The following NKAIN3 variants were observed in gnomAD, a reference collection of about 807,000 sequenced individuals.
NKAIN3 encodes sodium/potassium-transporting ATPase subunit beta-1-interacting protein 3.
A neutral mutation model predicts 30.2 loss-of-function variants in NKAIN3; 25 were observed. That is an observed-to-expected ratio of 0.83 (90% CI 0.60 to 1.16). NKAIN3 has a LOEUF of 1.16. Among genes scored for constraint, NKAIN3 ranks in the 50% most tolerant of loss-of-function variants. The probability of loss-of-function intolerance (pLI) is 0.00; values close to 1 mark genes in which losing one functional copy is unlikely to be tolerated. For synonymous variants in NKAIN3, 91 were observed against 89.6 expected (o/e 1.02, Z -0.09); for missense variants, 225 against 254.1 (o/e 0.89, Z 0.78).
intron 1 of NKAIN3, among the ~76,000 whole-genome samples, chr8:62,406,623 G>T (rs1257842556): frequency 6.6e-6 from 1 of 152,052 alleles, no homozygotes; most frequent in Non-Finnish European, 1.5e-5. Flanking sequence ...TTATTTCAAA[G>T]CATCATATTT....
At chr8:62,445,189 G>A (rs553621988) in intron 1 of NKAIN3, among the ~76,000 whole-genome samples, 2 of 151,760 alleles carry the variant, frequency 1.3e-5, no homozygotes, top group African/African-American at 2.4e-5. Flanking sequence ...TGTGATCCGC[G>A]CACCTCAGCC....
chr8:62,534,278 G>A (rs956752684), intron 1 of NKAIN3, among the ~76,000 whole-genome samples: 2 of 152,112 alleles, frequency 1.3e-5, no homozygotes, highest in Non-Finnish European at 1.5e-5. Flanking sequence ...TCCTTTGAAG[G>A]TTAATGACAA....
chr8:62,633,660 C>T (rs1812034899), intron 3 of NKAIN3, among the ~76,000 whole-genome samples: 1 of 152,102 alleles, frequency 6.6e-6, no homozygotes, highest in Non-Finnish European at 1.5e-5. Context: ...AACAAAGCTG[C>T]CAAAAGTCCA....
intron 1 of NKAIN3, among the ~76,000 whole-genome samples, chr8:62,280,858 G>A (rs1490091003): frequency 6.6e-6 from 1 of 152,048 alleles, no homozygotes; most frequent in African/African-American, 2.4e-5. Context: ...GCCTCTGCCA[G>A]GCTTTGGTAT....
intron 4 of NKAIN3, among the ~76,000 whole-genome samples, chr8:62,909,286 G>A (rs79662095): frequency 0.017 from 2,601 of 152,172 alleles, 85 homozygotes; most frequent in African/African-American, 0.058. Context: ...GTAGCTTTAT[G>A]TCATTTGCAT....
chr8:62,902,542 G>A (rs541511660), intron 4 of NKAIN3, among the ~76,000 whole-genome samples: 93 of 152,248 alleles, frequency 6.1e-4, no homozygotes, highest in African/African-American at 2.1e-3. Context: ...ACAAAGACAT[G>A]TATACTCAAC....
At chr8:62,698,682 C>T (rs1022849463) in intron 3 of NKAIN3, among the ~76,000 whole-genome samples, 3 of 152,116 alleles carry the variant, frequency 2.0e-5, no homozygotes, top group Admixed American at 6.5e-5. Context: ...GATTTTAGCT[C>T]GTGGCTATAT....
chr8:62,934,663 G>C (rs996141375), intron 5 of NKAIN3, among the ~76,000 whole-genome samples: 1 of 151,996 alleles, frequency 6.6e-6, no homozygotes, highest in African/African-American at 2.4e-5. Flanking sequence ...GATCCTCACA[G>C]AATAACCAGA....
chr8:62,371,239 T>G (rs1816898009), intron 1 of NKAIN3, among the ~76,000 whole-genome samples: 1 of 151,954 alleles, frequency 6.6e-6, no homozygotes, highest in Non-Finnish European at 1.5e-5. Flanking sequence ...TCTTTTCACT[T>G]TTCTTAGTCT....
At chr8:62,279,670 G>T (rs182657001) in intron 1 of NKAIN3, among the ~76,000 whole-genome samples, 18 of 152,298 alleles carry the variant, frequency 1.2e-4, no homozygotes, top group African/African-American at 4.1e-4. Flanking sequence ...GTTTGTCAAA[G>T]ATCAGATGGC....
intron 4 of NKAIN3, among the ~76,000 whole-genome samples, chr8:62,771,780 G>A (rs1221263446): frequency 6.6e-6 from 1 of 151,838 alleles, no homozygotes; most frequent in African/African-American, 2.4e-5. Flanking sequence ...TTATTTTTAT[G>A]GGAACATAGT....
chr8:62,557,920 C>T (rs7837518), intron 1 of NKAIN3, among the ~76,000 whole-genome samples: 2,558 of 152,138 alleles, frequency 0.017, 73 homozygotes, highest in African/African-American at 0.058. Flanking sequence ...AATTAAGTCC[C>T]AGCTATTTTT....
intron 1 of NKAIN3, among the ~76,000 whole-genome samples, chr8:62,414,426 C>G (rs945572140): frequency 6.6e-6 from 1 of 152,130 alleles, no homozygotes; most frequent in Non-Finnish European, 1.5e-5. Context: ...ATCAACGATA[C>G]TGTTCTTTTG....
At chr8:62,937,340 C>T (rs1379042885) in intron 5 of NKAIN3, among the ~76,000 whole-genome samples, 4 of 152,108 alleles carry the variant, frequency 2.6e-5, no homozygotes, top group East Asian at 3.8e-4. Flanking sequence ...GTGAAACAGC[C>T]GAAAACTGTG....
intron 1 of NKAIN3, among the ~76,000 whole-genome samples, chr8:62,501,679 A>C (rs1481057971): frequency 6.6e-6 from 1 of 152,134 alleles, no homozygotes; most frequent in East Asian, 1.9e-4. Flanking sequence ...CAATCTTCAC[A>C]ATTATTCTTC....
At chr8:62,338,084 G>A (rs986199926) in intron 1 of NKAIN3, among the ~76,000 whole-genome samples, 7 of 151,916 alleles carry the variant, frequency 4.6e-5, no homozygotes, top group African/African-American at 1.7e-4. Flanking sequence ...CCAATGATGT[G>A]TCTGTTTATT....
intron 1 of NKAIN3, among the ~76,000 whole-genome samples, chr8:62,465,174 A>G (rs949811565): frequency 6.6e-6 from 1 of 152,222 alleles, no homozygotes; most frequent in Non-Finnish European, 1.5e-5. Context: ...CTAAGTTTAC[A>G]TCTTTCTTAA....
intron 1 of NKAIN3, among the ~76,000 whole-genome samples, chr8:62,530,491 G>A (rs950776081): frequency 6.6e-6 from 1 of 152,062 alleles, no homozygotes; most frequent in Non-Finnish European, 1.5e-5. Context: ...GATTACTTTT[G>A]AAAGCAACAC....
chr8:62,974,413 C>A lies in NKAIN3; in HGVS notation c.*9006C>A, dbSNP rs926619304. 1.3e-5 allele frequency among the ~76,000 whole-genome samples: 2 copies of A among 152,090 alleles called. No individual in the cohort carries two copies. The highest frequency in any genetic ancestry group is 4.8e-5 in the African/African-American group (2 of 41,408). On this transcript the variant is annotated 3_prime_UTR_variant, in exon 7 of 7. Transcript: ENST00000623646. ...GTTGCATTCCTAGGTATTTTATTCT[C>A]TTTGTAGCAATTGTGAATGGGAGTT...
Sources: allele counts gnomAD v4.1 joint callset (sites outside exome capture counted in the v4.1 genomes callset), GRCh38; gene constraint gnomAD v4.1.1; transcripts MANE v1.5; gene names NCBI Gene and HGNC (gene_info 2026-07-23, HGNC 2026-07-21).